DNAH9: variants seen among roughly 807,000 people sequenced by gnomAD.
DNAH9 encodes dynein axonemal heavy chain 9.
A neutral mutation model predicts 471.6 loss-of-function variants in DNAH9; 345 were observed. The ratio of observed to expected loss-of-function variants is 0.73; its 90% confidence interval spans 0.67 to 0.80. The LOEUF is 0.80. DNAH9 is among the 30% of genes least tolerant of loss of function. The pLI is 0.00. For synonymous variants in DNAH9, 2,093 were observed against 2,123.6 expected, an observed-to-expected ratio of 0.99 and a Z score of 0.40; for missense variants, 5,407 against 5,609.2, an observed-to-expected ratio of 0.96 and a Z score of 1.15.
chr17:11,695,693 C>T (rs1013449110), intron 22 of DNAH9, among the ~76,000 whole-genome samples: 11 of 152,194 alleles, frequency 7.2e-5, no homozygotes, highest in African/African-American at 2.2e-4. Context: ...GAAGGCTTGT[C>T]GAAGTACAGA....
chr17:11,831,135 G>A (rs1363629788), intron 48 of DNAH9, among the ~76,000 whole-genome samples: 1 of 152,148 alleles, frequency 6.6e-6, no homozygotes. Flanking sequence ...TTCTGTTTTA[G>A]TCCCGTTTAT....
intron 27 of DNAH9, among the ~76,000 whole-genome samples, chr17:11,724,858 A>G (rs1042308383): frequency 6.6e-6 from 1 of 152,218 alleles, no homozygotes; most frequent in African/African-American, 2.4e-5. Context: ...GTAATATACA[A>G]TGAAATAATT....
At chr17:11,797,444 A>G (rs891653134) in intron 42 of DNAH9, among the ~76,000 whole-genome samples, 153 bp from the exon 43 acceptor site, 1 of 152,148 alleles carries the variant, frequency 6.6e-6, no homozygotes, top group Non-Finnish European at 1.5e-5. Flanking sequence ...TTAAGCATCC[A>G]CTTAAAAGGG....
intron 14 of DNAH9, among the ~76,000 whole-genome samples, 154 bp from the exon 15 acceptor site, chr17:11,664,679 C>T (rs966445876): frequency 6.6e-6 from 1 of 152,252 alleles, no homozygotes; most frequent in African/African-American, 2.4e-5. Context: ...AATGGTAATA[C>T]TCATTAGGCA....
chr17:11,776,537 A>G (rs2150888335), intron 38 of DNAH9, among the ~76,000 whole-genome samples: 1 of 152,336 alleles, frequency 6.6e-6, no homozygotes, highest in Admixed American at 6.5e-5. Flanking sequence ...ATCTGATGAT[A>G]GTCCCCATTT....
chr17:11,655,397 A>G (rs886994014), intron 14 of DNAH9, among the ~76,000 whole-genome samples: 10 of 151,228 alleles, frequency 6.6e-5, no homozygotes, highest in African/African-American at 2.4e-4. Context: ...GAACTAGATA[A>G]AAGATAAAAA....
intron 29 of DNAH9, among the ~76,000 whole-genome samples, chr17:11,741,369 G>A (rs931313749): frequency 6.6e-6 from 1 of 152,068 alleles, no homozygotes; most frequent in Non-Finnish European, 1.5e-5. Context: ...GTCAAGATAG[G>A]GTTAATAAGT....
chr17:11,866,066 G>C (rs1320769545), intron 50 of DNAH9, among the ~76,000 whole-genome samples: 1 of 152,208 alleles, frequency 6.6e-6, no homozygotes, highest in Non-Finnish European at 1.5e-5. Context: ...GTGAGGAACT[G>C]TGATCCTTTG....
chr17:11,694,700 T>TTCTCGCTTTCTC (rs1567724820), intron 22 of DNAH9, among the ~76,000 whole-genome samples: 1 of 2,280 alleles, frequency 4.4e-4, no homozygotes, highest in African/African-American at 4.8e-4. Flanking sequence ...CTTTCTCGCT[T>TTCTCGCTTTCTC]TCTCTCTCTC....
chr17:11,669,628 G>C lies in DNAH9; in HGVS notation c.3187G>C (p.Asp1063His). The C allele has an allele frequency of 6.2e-7, 1 of 1,614,112 alleles. No individual in the cohort carries two copies. Among genetic ancestry groups the C allele is most frequent in the South Asian group, 1.1e-5 (1 of 91,072 alleles). The change falls in exon 17 of 69, where the codon GAC becomes CAC. Residue 1063 changes from aspartate to histidine, a missense_variant. This residue lies in a region of DNAH9 where 4,636 missense variants were observed against 4,900.3 expected (regional missense o/e 0.95). Coordinates refer to ENST00000262442, the MANE Select transcript of DNAH9 (RefSeq NM_001372.4). ...PLLSQFKVQI[D>H]SYETLYEEVC... ...CCTTTCTCAGTTTAAAGTGCAAATC[G>C]ACTCCTATGAAACGCTCTATGAAGA...
intron 9 of DNAH9, 118 bp downstream of exon 9, chr17:11,636,902 A>G: frequency 1.1e-6 from 1 of 939,200 alleles, no homozygotes; most frequent in Non-Finnish European, 1.6e-6. Flanking sequence ...AAAAAGAGCA[A>G]GCACAACCTT....
chr17:11,821,908 A>T lies in DNAH9; in HGVS notation c.8708-12A>T, dbSNP rs902678509. 6.2e-7 allele frequency: 1 copy of T among 1,604,598 alleles called. No individual in the cohort carries two copies. Among genetic ancestry groups the T allele is most frequent in the Non-Finnish European group, 8.5e-7 (1 of 1,177,046 alleles). The stretch of plus-strand genomic sequence containing the variant: ...TGCCAAGGCTGCCTATCTGTGCTCC[A>T]TTTTTTCCCAGGGGAGATCCCAGAT... On this transcript the variant is annotated splice_polypyrimidine_tract_variant and intron_variant, in intron 45 of 68. Transcript: ENST00000262442.
At chr17:11,963,930 T>A (rs1976467556) in intron 68 of DNAH9, among the ~76,000 whole-genome samples, 1 of 152,124 alleles carries the variant, frequency 6.6e-6, no homozygotes, top group South Asian at 2.1e-4. Flanking sequence ...AGCCGAGGAA[T>A]TCCAGGGATT....
intron 67 of DNAH9, among the ~76,000 whole-genome samples, chr17:11,951,446 C>G (rs759395811): frequency 3.9e-5 from 6 of 152,148 alleles, no homozygotes; most frequent in Middle Eastern, 3.4e-3. Context: ...TTTGGGAGGC[C>G]CAAGTGGGTG....
At chr17:11,722,640 G>C (rs969262396) in intron 27 of DNAH9, among the ~76,000 whole-genome samples, 1 of 152,148 alleles carries the variant, frequency 6.6e-6, no homozygotes, top group African/African-American at 2.4e-5. Context: ...CCTATAAGCC[G>C]CATCACCTCA....
chr17:11,706,886 G>A (rs2074711585), intron 26 of DNAH9, among the ~76,000 whole-genome samples: 1 of 152,200 alleles, frequency 6.6e-6, no homozygotes, highest in Non-Finnish European at 1.5e-5. Context: ...GTTCCTGGAA[G>A]AGGGAGTTCC....
At chr17:11,893,163 A>T (rs1973106906) in intron 58 of DNAH9, among the ~76,000 whole-genome samples, 1 of 105,044 alleles carries the variant, frequency 9.5e-6, no homozygotes, top group Non-Finnish European at 2.0e-5. Flanking sequence ...AGCCCAGATG[A>T]CAGCTTGGCC....
rs1261056063 is a variant in DNAH9, at chr17:11,660,737, G to A, written c.2596-4096G>A. 1.3e-5 allele frequency among the ~76,000 whole-genome samples: 2 copies of A among 152,054 alleles called. 1 individual carries two copies. ...TTGATATCTAATTTAATTCTATTGT[G>A]CTCAGAGAAGATACTCTGTAAGCTT... On this transcript the variant is annotated intron_variant, in intron 14 of 68. Transcript: ENST00000262442.
At chr17:11,668,265 G>A (rs1381602806) in intron 15 of DNAH9, among the ~76,000 whole-genome samples, 1 of 152,200 alleles carries the variant, frequency 6.6e-6, no homozygotes, top group Admixed American at 6.5e-5. Flanking sequence ...GTTCATGTCT[G>A]TACATCGTTG....
Sources: gnomAD v4.1 joint callset for allele counts (sites outside exome capture counted in the v4.1 genomes callset) on GRCh38, gnomAD v4.1.1 for gene constraint, gnomAD v4.1.1 regional missense constraint, MANE v1.5 for transcripts, NCBI Gene and HGNC (gene_info 2026-07-23, HGNC 2026-07-21) for gene names.